The following DNAI3 variants were observed in gnomAD, a reference collection of about 807,000 sequenced individuals.
DNAI3 encodes the protein WD repeat domain 63.
In DNAI3, 83 loss-of-function variants were observed where a neutral mutation model predicts 115.5. The observed-to-expected ratio is 0.72, with a 90% CI of 0.60 to 0.86. DNAI3 has a LOEUF of 0.86. Ranked by LOEUF, DNAI3 falls within the 40% of genes least tolerant of loss-of-function variation. The pLI is 0.00. For synonymous variants in DNAI3, 320 were observed against 347.0 expected (o/e 0.92, Z 0.86); for missense variants, 1,004 against 1,075.8 (o/e 0.93, Z 0.93).
chr1:85,105,860 A>C (rs1315625599), intron 14 of DNAI3, among the ~76,000 whole-genome samples: 1 of 152,182 alleles, frequency 6.6e-6, no homozygotes, highest in African/African-American at 2.4e-5. Context: ...TCATGAACCC[A>C]TCCCTTTAGC....
At chr1:85,093,386 T>C in intron 8 of DNAI3, 72 bp from the exon 9 acceptor site, 1 of 1,374,242 alleles carries the variant, frequency 7.3e-7, no homozygotes, top group Non-Finnish European at 1.0e-6. Context: ...GGAGGAGGAG[T>C]TGCTAAGATA....
chr1:85,088,562 C>T (rs775549396), intron 7 of DNAI3, among the ~76,000 whole-genome samples: 1 of 152,092 alleles, frequency 6.6e-6, no homozygotes, highest in Non-Finnish European at 1.5e-5. Flanking sequence ...CTAGTGTTCC[C>T]ACCACATACC....
At chr1:85,072,675 G>T (rs1394765950) in intron 2 of DNAI3, among the ~76,000 whole-genome samples, 3 of 148,872 alleles carry the variant, frequency 2.0e-5, no homozygotes, top group Middle Eastern at 3.6e-3. Flanking sequence ...AAAAAGATTG[G>T]CCGGGCACAG....
intron 3 of DNAI3, among the ~76,000 whole-genome samples, chr1:85,077,035 A>G (rs753395449): frequency 3.3e-5 from 5 of 152,194 alleles, no homozygotes; most frequent in Non-Finnish European, 7.4e-5. Context: ...TAGTACATGC[A>G]CATTTCCTTA....
At chr1:85,106,532 CT>C (rs1655496084) in intron 14 of DNAI3, among the ~76,000 whole-genome samples, 1 of 152,154 alleles carries the variant, frequency 6.6e-6, no homozygotes, top group Non-Finnish European at 1.5e-5. Flanking sequence ...ATATCATTAG[CT>C]GTCAGGGGAA....
At chr1:85,069,435 G>T (rs540620529) in intron 1 of DNAI3, among the ~76,000 whole-genome samples, 2 of 152,194 alleles carry the variant, frequency 1.3e-5, no homozygotes, top group African/African-American at 4.8e-5. Context: ...TTGCACAAGG[G>T]GTTTTGCCTA....
At position 85,126,963 on chromosome 1, in the gene DNAI3, T is replaced by C. The variant is rs111514413; in HGVS notation, c.2317+248T>C. 7.1e-3 allele frequency among the ~76,000 whole-genome samples: 1,085 copies of C among 152,256 alleles called. 16 individuals carry two copies. The highest frequency in any genetic ancestry group is 0.024 in the African/African-American group (1,012 of 41,548). ...TGGACACAACCTGAGCTCTTCTCAC[T>C]GTTGCCTCATCAAGAATGATTTCTG... On this transcript the variant is annotated intron_variant, in intron 20 of 22. Transcript: ENST00000294664.
At chr1:85,066,569 C>T (rs1654107425) in intron 1 of DNAI3, among the ~76,000 whole-genome samples, 2 of 152,016 alleles carry the variant, frequency 1.3e-5, no homozygotes. Flanking sequence ...ACCTCATGAT[C>T]TGCCCGCCTC....
rs115572456 is a variant in DNAI3, at chr1:85,107,489, C to T, written c.1554-544C>T. ...AGAGAAAAATGGCAGTTACAAAAGA[C>T]CATATATGATTCATTTTATTAAATG... On this transcript the variant is annotated intron_variant, in intron 14 of 22. Coordinates refer to ENST00000294664, the MANE Select transcript of DNAI3 (RefSeq NM_145172.5). Among the ~76,000 whole-genome samples, 1,310 of 152,198 alleles carry T rather than the reference C, an allele frequency of 8.6e-3. 20 individuals carry two copies. Among genetic ancestry groups the T allele is most frequent in the African/African-American group, 0.03 (1,234 of 41,526 alleles).
chr1:85,093,467 A>T lies in DNAI3; in HGVS notation c.867A>T (p.Ile289=). The T allele has an allele frequency of 6.2e-7, 1 of 1,613,542 alleles. No individual in the cohort carries two copies. ...TATTTTTACAAATTAGTGTTGAAAT[A>T]GCCCTGCAGCAAAATGAAATCATGA... ...FLNNASISVE[I]ALQQNEIMNT... Residue 289 remains isoleucine (I), a synonymous_variant, in exon 9 of 23, where the codon ATA becomes ATT. Coordinates refer to ENST00000294664, the MANE Select transcript of DNAI3 (RefSeq NM_145172.5).
intron 7 of DNAI3, among the ~76,000 whole-genome samples, chr1:85,086,372 T>G (rs879848154): frequency 2.6e-5 from 4 of 152,204 alleles, no homozygotes; most frequent in Non-Finnish European, 5.9e-5. Context: ...TTCTTAAACA[T>G]CAAATCAGAT....
chr1:85,117,062 G>C (rs1004317614), intron 16 of DNAI3, among the ~76,000 whole-genome samples: 7 of 151,966 alleles, frequency 4.6e-5, no homozygotes, highest in African/African-American at 1.7e-4. Context: ...ATGACTCAGA[G>C]GACATATTGA....
At chr1:85,110,450 C>CAAATAAAG (rs1655623762) in intron 16 of DNAI3, among the ~76,000 whole-genome samples, 1 of 138,200 alleles carries the variant, frequency 7.2e-6, no homozygotes. Flanking sequence ...GACTCCATCT[C>CAAATAAAG]AAATAAATAA....
chr1:85,131,906 A>T (rs764520372), intron 22 of DNAI3, among the ~76,000 whole-genome samples: 12 of 152,218 alleles, frequency 7.9e-5, no homozygotes, highest in Admixed American at 1.3e-4. Flanking sequence ...AAATTGTATT[A>T]TACTTTTCAA....
At chr1:85,117,503 G>A (rs907427716) in intron 16 of DNAI3, among the ~76,000 whole-genome samples, 1 of 152,196 alleles carries the variant, frequency 6.6e-6, no homozygotes, top group African/African-American at 2.4e-5. Context: ...CTATGTGCAG[G>A]TATAGCTAGA....
intron 1 of DNAI3, among the ~76,000 whole-genome samples, chr1:85,066,314 CTTTTTTTTTTTTTT>C (rs57553075): frequency 2.9e-5 from 2 of 70,014 alleles, no homozygotes; most frequent in African/African-American, 1.2e-4. Context: ...TTCTGCTACT[CTTTTTTTTTTTTTT>C]TTTTTTTTTT....
chr1:85,127,573 A>C (rs1656186602), intron 20 of DNAI3, among the ~76,000 whole-genome samples: 1 of 152,148 alleles, frequency 6.6e-6, no homozygotes, highest in Non-Finnish European at 1.5e-5. Context: ...CTTTGTTTCC[A>C]AAGGTGTACA....
intron 1 of DNAI3, among the ~76,000 whole-genome samples, chr1:85,064,777 A>G (rs1257335491): frequency 6.6e-6 from 1 of 152,172 alleles, no homozygotes; most frequent in Non-Finnish European, 1.5e-5. Context: ...TCACGCCTGT[A>G]ATCCCAGCAC....
chr1:85,119,860 G>A (rs1198182148), intron 17 of DNAI3, among the ~76,000 whole-genome samples: 3 of 152,116 alleles, frequency 2.0e-5, no homozygotes, highest in Admixed American at 2.0e-4. Context: ...ACCATGCCCA[G>A]CTAATTTTTT....
Sources: gnomAD v4.1 joint callset for allele counts (sites outside exome capture counted in the v4.1 genomes callset) on GRCh38, gnomAD v4.1.1 for gene constraint, MANE v1.5 for transcripts, NCBI Gene and HGNC (gene_info 2026-07-23, HGNC 2026-07-21) for gene names.